CTNNA3: variants seen among roughly 807,000 people sequenced by gnomAD.
The protein encoded by CTNNA3 is catenin alpha 3.
CTNNA3 carries 76 observed loss-of-function variants against 95.7 expected under a neutral mutation model. The ratio of observed to expected loss-of-function variants is 0.79; its 90% CI spans 0.66 to 0.96. CTNNA3 has a LOEUF of 0.96. Ranked by LOEUF, CTNNA3 falls within the 40% of genes least tolerant of loss-of-function variation. The pLI is 0.00. For synonymous variants in CTNNA3, 431 were observed against 374.4 expected, an observed-to-expected ratio of 1.15 and a Z score of -1.74; for missense variants, 1,191 against 1,089.8, an observed-to-expected ratio of 1.09 and a Z score of -1.31.
chr10:66,352,451 A>G (rs2132395368), intron 12 of CTNNA3, among the ~76,000 whole-genome samples: 1 of 152,274 alleles, frequency 6.6e-6, no homozygotes, highest in East Asian at 1.9e-4. Flanking sequence ...GAAGAGGACT[A>G]GCAGTAGGAA....
At position 67,139,436 on chromosome 10, in the gene CTNNA3, C is replaced by T. The variant is rs1589784283; in HGVS notation, c.1047+40881G>A. 2.7e-5 allele frequency among the ~76,000 whole-genome samples: 4 copies of T among 147,228 alleles called. No homozygotes were observed. In the East Asian group the frequency reaches 8.1e-4, roughly 30 times the overall value. The stretch of plus-strand genomic sequence containing the variant: ...TGCTGGGACCACAGGCACGAGCCAC[C>T]ATACCCGGCCTATTTTTATTTTTTA... On this transcript the variant is annotated intron_variant, in intron 7 of 17. Transcript: ENST00000433211.
chr10:67,101,311 C>T (rs529705699), intron 7 of CTNNA3, among the ~76,000 whole-genome samples: 81 of 151,762 alleles, frequency 5.3e-4, no homozygotes, highest in Middle Eastern at 6.8e-3. Flanking sequence ...ATGTTCAACA[C>T]TTTGTCAACT....
intron 7 of CTNNA3, among the ~76,000 whole-genome samples, chr10:66,824,148 G>A (rs1045816740): frequency 6.6e-6 from 1 of 151,268 alleles, no homozygotes; most frequent in Admixed American, 6.6e-5. Flanking sequence ...GCATGTCTTT[G>A]CTCAACTTTA....
At chr10:66,711,766 A>G (rs1848304675) in intron 9 of CTNNA3, among the ~76,000 whole-genome samples, 2 of 151,820 alleles carry the variant, frequency 1.3e-5, no homozygotes, top group African/African-American at 4.8e-5. Flanking sequence ...TGGTCTCGAA[A>G]TCCTGGTCTC....
intron 13 of CTNNA3, among the ~76,000 whole-genome samples, chr10:66,165,434 C>G (rs10996943): frequency 6.6e-6 from 1 of 151,724 alleles, no homozygotes; most frequent in African/African-American, 2.4e-5. Context: ...TGCAATATAC[C>G]CAGGTAACAA....
Position 66,340,046 on chromosome 10 carries a change from T to C in CTNNA3, c.1732+39106A>G, listed in dbSNP as rs561055562. Among the ~76,000 whole-genome samples the C allele has an allele frequency of 6.6e-5, 10 of 151,790 alleles. No individual in the cohort carries two copies. In the East Asian group the frequency reaches 1.7e-3, roughly 26 times the overall value. ...TACATGTACTAATGTTACCCAGGATTGTACACACCTGTTACATATTAATAA... is the reference window on the plus strand; with the variant it reads ...TACATGTACTAATGTTACCCAGGATCGTACACACCTGTTACATATTAATAA... On this transcript the variant is annotated intron_variant, in intron 12 of 17. Coordinates refer to ENST00000433211, the MANE Select transcript of CTNNA3 (RefSeq NM_013266.4).
intron 7 of CTNNA3, among the ~76,000 whole-genome samples, chr10:66,954,258 C>A (rs918463730): frequency 6.6e-6 from 1 of 152,096 alleles, no homozygotes; most frequent in Non-Finnish European, 1.5e-5. Context: ...ATTTGACAGA[C>A]AAATGTGAAT....
chr10:66,080,680 C>T (rs557272999), intron 14 of CTNNA3, among the ~76,000 whole-genome samples: 7 of 152,192 alleles, frequency 4.6e-5, no homozygotes, highest in African/African-American at 1.7e-4. Context: ...TTCAATACTG[C>T]TGCAATGGAG....
chr10:67,648,764 A>G, intron 1 of CTNNA3: 4 of 1,289,658 alleles, frequency 3.1e-6, no homozygotes, highest in Non-Finnish European at 4.0e-6. Flanking sequence ...CTTTGCGTTG[A>G]TTTCATTCTC....
chr10:67,568,544 T>C (rs968545184), intron 3 of CTNNA3, among the ~76,000 whole-genome samples: 1 of 151,528 alleles, frequency 6.6e-6, no homozygotes, highest in Non-Finnish European at 1.5e-5. Flanking sequence ...CATATTTATA[T>C]GCACACAGAC....
At chr10:66,212,515 T>C (rs1326354542) in intron 13 of CTNNA3, among the ~76,000 whole-genome samples, 1 of 152,202 alleles carries the variant, frequency 6.6e-6, no homozygotes, top group East Asian at 1.9e-4. Flanking sequence ...ATTACTTTTA[T>C]ATTTCGGAGT....
chr10:66,792,745 ATAT>A (rs1251795551), intron 7 of CTNNA3, among the ~76,000 whole-genome samples: 2 of 152,178 alleles, frequency 1.3e-5, no homozygotes, highest in Non-Finnish European at 2.9e-5. Context: ...AGTAGCTGTA[ATAT>A]TAGGCAAAAT....
intron 12 of CTNNA3, among the ~76,000 whole-genome samples, chr10:66,373,771 A>C (rs573276804): frequency 6.6e-6 from 1 of 152,340 alleles, no homozygotes; most frequent in African/African-American, 2.4e-5. Context: ...TACCAAAATT[A>C]GGTTCAGTCA....
At chr10:66,237,356 T>C (rs2089904172) in intron 13 of CTNNA3, among the ~76,000 whole-genome samples, 2 of 152,126 alleles carry the variant, frequency 1.3e-5, no homozygotes, top group Admixed American at 1.3e-4. Flanking sequence ...AGGGGAATTG[T>C]TGTATTTGAA....
chr10:66,880,234 G>C (rs538576308), intron 7 of CTNNA3, among the ~76,000 whole-genome samples: 2 of 152,142 alleles, frequency 1.3e-5, no homozygotes, highest in African/African-American at 4.8e-5. Context: ...ACATTCCCTA[G>C]TTAGCTCTGG....
At chr10:67,095,881 T>C (rs1202810875) in intron 7 of CTNNA3, among the ~76,000 whole-genome samples, 1 of 151,888 alleles carries the variant, frequency 6.6e-6, no homozygotes, top group Non-Finnish European at 1.5e-5. Flanking sequence ...TAAAAATGTA[T>C]TTTAGTTATC....
chr10:66,648,779 C>T (rs1000421958), intron 9 of CTNNA3, among the ~76,000 whole-genome samples: 6 of 152,010 alleles, frequency 3.9e-5, no homozygotes, highest in Non-Finnish European at 8.8e-5. Flanking sequence ...TAGATGAGGA[C>T]AGAAGTTCTC....
intron 13 of CTNNA3, among the ~76,000 whole-genome samples, chr10:66,278,947 G>A (rs2091446381): frequency 6.6e-6 from 1 of 151,752 alleles, no homozygotes; most frequent in Non-Finnish European, 1.5e-5. Context: ...AAGAAAATTG[G>A]TAAAGTTTCT....
chr10:67,457,496 T>A (rs996125453), intron 5 of CTNNA3, among the ~76,000 whole-genome samples: 8 of 152,182 alleles, frequency 5.3e-5, no homozygotes, highest in Admixed American at 1.3e-4. Flanking sequence ...AGTTCTTTCA[T>A]TCATCAAATC....
Sources: allele counts gnomAD v4.1 joint callset (sites outside exome capture counted in the v4.1 genomes callset), GRCh38; gene constraint gnomAD v4.1.1; transcripts MANE v1.5; gene names NCBI Gene and HGNC (gene_info 2026-07-23, HGNC 2026-07-21).